The following DAAM1 variants were observed in gnomAD, a reference collection of about 807,000 sequenced individuals.
DAAM1 encodes dishevelled associated activator of morphogenesis 1.
In DAAM1, 52 loss-of-function variants were observed where a neutral mutation model predicts 130.0. The observed-to-expected ratio is 0.40, with a 90% CI of 0.32 to 0.50. The LOEUF is 0.50. DAAM1 is among the 20% of genes least tolerant of loss of function. The pLI, the probability that DAAM1 is intolerant of heterozygous loss-of-function variation, is 0.61. For synonymous variants in DAAM1, 452 were observed against 444.5 expected, an observed-to-expected ratio of 1.02 and a Z score of -0.21; for missense variants, 1,134 against 1,303.8, an observed-to-expected ratio of 0.87 and a Z score of 2.01.
intron 1 of DAAM1, among the ~76,000 whole-genome samples, chr14:59,231,030 A>T (rs181188195): frequency 1.3e-5 from 2 of 152,198 alleles, no homozygotes; most frequent in African/African-American, 2.4e-5. Context: ...ACTAAGACAG[A>T]TCAAATTCAG....
rs1324174466 is a variant in DAAM1, at chr14:59,290,197, C to T, written c.184-1020C>T. On this transcript the variant is annotated intron_variant, in intron 2 of 24. Transcript: ENST00000360909. ...TAAACACCAATAACTTTTTTCTAAG[C>T]TCTTTATATTCATGATTCCATTATG... Among the ~76,000 whole-genome samples the T allele has an allele frequency of 2.6e-5, 4 of 152,104 alleles. No homozygotes were observed. In the East Asian group the frequency reaches 7.7e-4, roughly 29 times the overall value.
intron 1 of DAAM1, among the ~76,000 whole-genome samples, chr14:59,215,280 A>G (rs1888541977): frequency 6.6e-6 from 1 of 152,236 alleles, no homozygotes; most frequent in Non-Finnish European, 1.5e-5. Context: ...CTAGACATGG[A>G]AGGTTCAAAC....
At chr14:59,192,028 A>T (rs916633471) in intron 1 of DAAM1, among the ~76,000 whole-genome samples, 2 of 152,136 alleles carry the variant, frequency 1.3e-5, no homozygotes, top group African/African-American at 4.8e-5. Context: ...AGGAGGTGTG[A>T]TAATGAAGAG....
intron 1 of DAAM1, among the ~76,000 whole-genome samples, chr14:59,216,877 G>T (rs1238560717): frequency 2.6e-5 from 4 of 151,482 alleles, no homozygotes; most frequent in Non-Finnish European, 4.4e-5. Flanking sequence ...GAACTATAAA[G>T]AATTGAATTT....
At chr14:59,319,273 G>A (rs182868659) in intron 4 of DAAM1, among the ~76,000 whole-genome samples, 1 of 151,876 alleles carries the variant, frequency 6.6e-6, no homozygotes, top group Non-Finnish European at 1.5e-5. Context: ...AAAACTACTG[G>A]GTTTTATTTC....
intron 1 of DAAM1, among the ~76,000 whole-genome samples, chr14:59,241,985 A>G (rs117148134): frequency 0.021 from 3,125 of 152,284 alleles, 65 homozygotes; most frequent in Non-Finnish European, 0.027. Context: ...TCAAGGCAGG[A>G]ACAATGTGCT....
chr14:59,224,659 G>A (rs538649540), intron 1 of DAAM1, among the ~76,000 whole-genome samples: 19 of 152,300 alleles, frequency 1.2e-4, no homozygotes, highest in African/African-American at 4.6e-4. Context: ...AGACTTTTGG[G>A]GCTATTGAGG....
chr14:59,215,233 T>A (rs535493820), intron 1 of DAAM1, among the ~76,000 whole-genome samples: 1 of 152,342 alleles, frequency 6.6e-6, no homozygotes, highest in South Asian at 2.1e-4. Flanking sequence ...GCCTTTATTG[T>A]CCCTGGAGAG....
At chr14:59,193,054 AAAC>A (rs34240731) in intron 1 of DAAM1, among the ~76,000 whole-genome samples, 8 of 151,626 alleles carry the variant, frequency 5.3e-5, no homozygotes, top group African/African-American at 7.3e-5. Context: ...CTCCGTCTCA[AAAC>A]AACAACAACA....
intron 1 of DAAM1, among the ~76,000 whole-genome samples, chr14:59,256,878 A>C (rs563272241): frequency 3.2e-4 from 49 of 152,360 alleles, no homozygotes; most frequent in Non-Finnish European, 6.0e-4. Context: ...GGTTCAGATC[A>C]TGATGGCTGA....
chr14:59,237,005 C>T (rs1412648133), intron 1 of DAAM1, among the ~76,000 whole-genome samples: 2 of 152,124 alleles, frequency 1.3e-5, no homozygotes, highest in Admixed American at 6.6e-5. Context: ...TAAACAGGAG[C>T]CTAGCTGTTA....
At chr14:59,321,611 A>G in intron 5 of DAAM1, among the ~76,000 whole-genome samples, 1 of 152,244 alleles carries the variant, frequency 6.6e-6, no homozygotes, top group East Asian at 1.9e-4. Context: ...AGTACATTAC[A>G]TGAGCACAGG....
chr14:59,302,752 C>A (rs1324780125), intron 3 of DAAM1, among the ~76,000 whole-genome samples: 1 of 152,204 alleles, frequency 6.6e-6, no homozygotes, highest in Non-Finnish European at 1.5e-5. Flanking sequence ...CTTCCAGGTT[C>A]ATGTAATTCT....
chr14:59,225,510 C>T (rs976783174), intron 1 of DAAM1, among the ~76,000 whole-genome samples: 2 of 152,160 alleles, frequency 1.3e-5, no homozygotes, highest in Non-Finnish European at 2.9e-5. Context: ...GGGACTTGAG[C>T]CTCCTCTTTC....
At chr14:59,357,634 C>G (rs1886534610) in intron 20 of DAAM1, among the ~76,000 whole-genome samples, 1 of 152,136 alleles carries the variant, frequency 6.6e-6, no homozygotes, top group Non-Finnish European at 1.5e-5. Flanking sequence ...AAAAGTTATC[C>G]AGGCGTGGTG....
chr14:59,216,057 C>T (rs1270962371), intron 1 of DAAM1, among the ~76,000 whole-genome samples: 2 of 152,264 alleles, frequency 1.3e-5, no homozygotes, highest in East Asian at 1.9e-4. Context: ...GAGTTTGCTA[C>T]ACACAGGTGG....
chr14:59,254,267 C>T (rs1042221153), intron 1 of DAAM1, among the ~76,000 whole-genome samples: 2 of 152,182 alleles, frequency 1.3e-5, no homozygotes, highest in Admixed American at 6.5e-5. Flanking sequence ...TTTTCCATGA[C>T]TGCTGGCCTT....
rs1339362987 is a variant in DAAM1 at position 59,331,847 on chromosome 14, A to T, written c.1895A>T (p.Asp632Val). ...KLEGTVWTEI[D>V]DTKVFKILDL... The stretch of plus-strand genomic sequence containing the variant: ...GAAGGAACAGTATGGACCGAAATTG[A>T]TGATACAAAAGTCTTCAAAATTCTA... The change falls in exon 15 of 25, where the codon GAT becomes GTT. Residue 632 changes from aspartate to valine, a missense_variant. By Grantham distance (152) the Asp-to-Val change is radical. Around this residue, in one of 3 missense-constraint regions of DAAM1, gnomAD observed 644 missense variants for 695.9 expected, o/e 0.93. Coordinates refer to ENST00000360909, the MANE Select transcript of DAAM1 (RefSeq NM_001270520.2). 1 of 1,614,154 alleles carries T rather than the reference A, an allele frequency of 6.2e-7. No individual in the cohort carries two copies. The highest frequency in any genetic ancestry group is 1.7e-5 in the Admixed American group (1 of 60,024).
intron 3 of DAAM1, among the ~76,000 whole-genome samples, chr14:59,294,744 C>T (rs975461730): frequency 6.6e-6 from 1 of 152,190 alleles, no homozygotes; most frequent in African/African-American, 2.4e-5. Flanking sequence ...CCAGAAACTG[C>T]ATCTGTTAAC....
Sources: allele counts gnomAD v4.1 joint callset (sites outside exome capture counted in the v4.1 genomes callset), GRCh38; gene constraint gnomAD v4.1.1; regional missense constraint gnomAD v4.1.1; transcripts MANE v1.5; gene names NCBI Gene and HGNC (gene_info 2026-07-23, HGNC 2026-07-21).